HIVEP1: variants seen among roughly 807,000 people sequenced by gnomAD.
HIVEP1 encodes the protein HIVEP zinc finger 1.
HIVEP1 carries 36 observed loss-of-function variants against 180.0 expected under a neutral mutation model. The observed-to-expected ratio is 0.20, with a 90% CI of 0.15 to 0.26. The LOEUF (loss-of-function observed/expected upper bound fraction) is 0.26, where lower values mean the gene tolerates loss of function less well. Ranked by LOEUF, HIVEP1 falls within the 10% of genes least tolerant of loss-of-function variation. The pLI, the probability that HIVEP1 is intolerant of heterozygous loss-of-function variation, is 1.00. For synonymous variants in HIVEP1, 1,239 were observed against 1,239.0 expected (o/e 1.00, Z 0.00); for missense variants, 3,143 against 3,268.7 (o/e 0.96, Z 0.94).
intron 3 of HIVEP1, among the ~76,000 whole-genome samples, chr6:12,101,380 TTATAAATACAATATGTATATAACATG>T (rs571024143): frequency 0.015 from 2,280 of 152,248 alleles, 23 homozygotes; most frequent in Middle Eastern, 0.058. Context: ...ACTGTAACAT[TTATAAATACAATATGTATATAACATG>T]TATAAATACA....
intron 2 of HIVEP1, among the ~76,000 whole-genome samples, chr6:12,057,763 ATAGAT>A (rs1214119639): frequency 3.9e-5 from 6 of 152,328 alleles, no homozygotes; most frequent in Non-Finnish European, 7.4e-5. Context: ...CTCTTTCTAA[ATAGAT>A]TAGAATGATG....
intron 7 of HIVEP1, among the ~76,000 whole-genome samples, chr6:12,141,921 A>G (rs1581772101): frequency 6.6e-6 from 1 of 152,104 alleles, no homozygotes; most frequent in Non-Finnish European, 1.5e-5. Flanking sequence ...TTAGACTCCC[A>G]TACAATAATA....
intron 2 of HIVEP1, among the ~76,000 whole-genome samples, chr6:12,050,129 C>T (rs921187128): frequency 3.3e-5 from 5 of 152,156 alleles, no homozygotes; most frequent in African/African-American, 9.7e-5. Context: ...AAATGCCAGG[C>T]ACCTACTCCG....
rs1333222138 is a variant in HIVEP1, at chr6:12,058,874, AT to A, written c.41-30307del. 3.9e-5 allele frequency among the ~76,000 whole-genome samples: 6 copies of A among 152,308 alleles called. No individual in the cohort carries two copies. The South Asian group carries it at 1.0e-3, about 26-fold the overall frequency. On this transcript the variant is annotated intron_variant, in intron 2 of 8. Transcript: ENST00000379388. The stretch of plus-strand genomic sequence containing the variant: ...TATGTAAGTATGTACATATGTATTG[AT>A]TTAGTACCTTGCTCTGTGTAGTTAA...
rs1581721761 is a variant in HIVEP1 at position 12,120,508 on chromosome 6, A to C, written c.713A>C (p.Asn238Thr). Reference protein sequence around the residue: ...KTARSPPKLKNSSMDAPNQTS... With the variant: ...KTARSPPKLKTSSMDAPNQTS... ...GCACGTTCCCCTCCCAAATTAAAAA[A>C]CAGTTCAATGGATGCCCCAAATCAG... Residue 238 changes from asparagine to threonine, a missense_variant, in exon 4 of 9, where the codon AAC becomes ACC. By Grantham distance (65) the Asn-to-Thr change is moderately conservative. Transcript: ENST00000379388. The C allele has an allele frequency of 1.2e-6, 2 of 1,614,232 alleles. No homozygotes were observed. Among genetic ancestry groups the C allele is most frequent in the African/African-American group, 2.7e-5 (2 of 75,048 alleles).
intron 2 of HIVEP1, among the ~76,000 whole-genome samples, chr6:12,019,821 G>C (rs1338296568): frequency 1.3e-5 from 2 of 152,116 alleles, no homozygotes; most frequent in African/African-American, 4.8e-5. Context: ...AAAGCCACAG[G>C]GTAACATGTA....
At chr6:12,024,556 C>G (rs1768455747) in intron 2 of HIVEP1, among the ~76,000 whole-genome samples, 1 of 152,128 alleles carries the variant, frequency 6.6e-6, no homozygotes. Context: ...TGAATTTAAC[C>G]AAGCATACTT....
At chr6:12,195,664 T>TCTGACTCCAAATG in the HIVEP1 span, among the ~76,000 whole-genome samples, 471 of 20,360 alleles carry the variant, frequency 0.023, 5 homozygotes, top group African/African-American at 0.038. Flanking sequence ...CATACAGAAT[T>TCTGACTCCAAATG]TAACTACTGG....
At chr6:12,056,563 G>A (rs1370192723) in intron 2 of HIVEP1, among the ~76,000 whole-genome samples, 2 of 152,136 alleles carry the variant, frequency 1.3e-5, no homozygotes, top group Non-Finnish European at 2.9e-5. Context: ...GGGGGGATTT[G>A]TCTAATTAGA....
intron 2 of HIVEP1, among the ~76,000 whole-genome samples, chr6:12,072,458 A>G (rs1373694899): frequency 6.6e-6 from 1 of 151,730 alleles, no homozygotes; most frequent in Admixed American, 6.6e-5. Flanking sequence ...TTGCTGTGAT[A>G]GGTCTATGTG....
At chr6:12,210,057 C>T in the HIVEP1 span, among the ~76,000 whole-genome samples, 23 of 151,628 alleles carry the variant, frequency 1.5e-4, no homozygotes, top group South Asian at 1.9e-3. Context: ...GAACCAGGAT[C>T]GTGCCACTGC....
At chr6:12,156,675 T>C (rs1760073999) in intron 7 of HIVEP1, among the ~76,000 whole-genome samples, 1 of 152,190 alleles carries the variant, frequency 6.6e-6, no homozygotes, top group African/African-American at 2.4e-5. Context: ...AATTAATTGA[T>C]TTCTGGTTTA....
At chr6:12,035,807 G>T (rs1769241746) in intron 2 of HIVEP1, among the ~76,000 whole-genome samples, 1 of 152,122 alleles carries the variant, frequency 6.6e-6, no homozygotes, top group Non-Finnish European at 1.5e-5. Flanking sequence ...AAAACATTGA[G>T]ATTTCATTCT....
chr6:12,149,465 C>T (rs1759565613), intron 7 of HIVEP1, among the ~76,000 whole-genome samples: 1 of 152,130 alleles, frequency 6.6e-6, no homozygotes, highest in African/African-American at 2.4e-5. Context: ...AGCTTTCATT[C>T]ATTAAACAAA....
chr6:12,209,779 A>C, the HIVEP1 span, among the ~76,000 whole-genome samples: 1 of 152,236 alleles, frequency 6.6e-6, no homozygotes, highest in African/African-American at 2.4e-5. Flanking sequence ...GTTAATTAAT[A>C]TATGAATTAC....
chr6:12,182,798 T>TATA, the HIVEP1 span, among the ~76,000 whole-genome samples: 2 of 152,144 alleles, frequency 1.3e-5, no homozygotes, highest in Non-Finnish European at 2.9e-5. Context: ...CCTAATAATA[T>TATA]ATAAACAGTA....
At chr6:12,078,874 A>G (rs187747836) in intron 2 of HIVEP1, among the ~76,000 whole-genome samples, 34 of 152,104 alleles carry the variant, frequency 2.2e-4, no homozygotes, top group Admixed American at 2.2e-3. Flanking sequence ...GTCTCTCCCA[A>G]CCATCCGTAA....
At chr6:12,210,011 G>A in the HIVEP1 span, among the ~76,000 whole-genome samples, 1 of 152,120 alleles carries the variant, frequency 6.6e-6, no homozygotes, top group Non-Finnish European at 1.5e-5. Context: ...CAGCTACTCG[G>A]AGAATCGCTT....
At position 12,163,737 on chromosome 6, in the gene HIVEP1, A is replaced by G; in HGVS notation, c.7433A>G (p.Gln2478Arg). ...PIGQIRVPGL[Q>R]NLSTPGLQSL... The stretch of plus-strand genomic sequence containing the variant: ...GGCCAAATCCGCGTGCCAGGCCTTC[A>G]GAACCTAAGTACCCCAGGCTTGCAG... Residue 2478 changes from glutamine (Q) to arginine (R), a missense_variant, in exon 9 of 9, where the codon CAG (glutamine) becomes CGG (arginine). Physicochemically the swap from Gln to Arg is conservative, Grantham distance 43. Transcript: ENST00000379388. 6.2e-7 allele frequency: 1 copy of G among 1,614,158 alleles called. No homozygotes were observed. Among genetic ancestry groups the G allele is most frequent in the Non-Finnish European group, 8.5e-7 (1 of 1,180,030 alleles).
Sources: allele counts gnomAD v4.1 joint callset (sites outside exome capture counted in the v4.1 genomes callset), GRCh38; gene constraint gnomAD v4.1.1; transcripts MANE v1.5; gene names NCBI Gene and HGNC (gene_info 2026-07-23, HGNC 2026-07-21).